The following LMBRD1 variants were observed in gnomAD, a reference collection of about 807,000 sequenced individuals.
LMBRD1 encodes the protein lysosomal cobalamin transport escort protein LMBD1.
In LMBRD1, 64 loss-of-function variants were observed where a neutral mutation model predicts 74.8. The ratio of observed to expected loss-of-function variants is 0.86; its 90% CI spans 0.70 to 1.05. The LOEUF (loss-of-function observed/expected upper bound fraction) is 1.05. LMBRD1 is among the 50% of genes least tolerant of loss of function. The pLI, the probability that LMBRD1 is intolerant of heterozygous loss-of-function variation, is 0.00. For synonymous variants in LMBRD1, 204 were observed against 216.3 expected (o/e 0.94, Z 0.50); for missense variants, 652 against 645.9 (o/e 1.01, Z -0.10).
chr6:69,787,128 A>C (rs1765968977), intron 2 of LMBRD1, among the ~76,000 whole-genome samples: 1 of 152,234 alleles, frequency 6.6e-6, no homozygotes, highest in African/African-American at 2.4e-5. Context: ...CGTGGCATGA[A>C]GTTTGAAGAA....
chr6:69,796,636 C>G (rs965250901), intron 1 of LMBRD1, among the ~76,000 whole-genome samples, 177 bp downstream of exon 1: 10 of 152,092 alleles, frequency 6.6e-5, no homozygotes, highest in African/African-American at 2.4e-4. Flanking sequence ...GAAATCGACA[C>G]CCCCCTGCCC....
At chr6:69,711,481 C>T (rs1337664712) in intron 9 of LMBRD1, among the ~76,000 whole-genome samples, 1 of 152,026 alleles carries the variant, frequency 6.6e-6, no homozygotes, top group African/African-American at 2.4e-5. Context: ...TAAAAGAAGG[C>T]AGCTGATGTT....
chr6:69,709,094 C>T (rs904120491), intron 9 of LMBRD1, among the ~76,000 whole-genome samples: 2 of 152,048 alleles, frequency 1.3e-5, no homozygotes, highest in Non-Finnish European at 2.9e-5. Context: ...ATTAGCCAGG[C>T]GTGGTGGCAC....
chr6:69,751,604 A>G (rs903225243), intron 4 of LMBRD1, among the ~76,000 whole-genome samples: 4 of 152,228 alleles, frequency 2.6e-5, no homozygotes, highest in African/African-American at 9.6e-5. Flanking sequence ...CTGGGATTAC[A>G]GGCGTGAGCC....
intron 14 of LMBRD1, among the ~76,000 whole-genome samples, chr6:69,689,240 T>TA (rs1765829250): frequency 6.6e-6 from 1 of 152,060 alleles, no homozygotes; most frequent in South Asian, 2.1e-4. Context: ...AGCAGACAGT[T>TA]AAAAAATAAG....
At chr6:69,679,754 A>G (rs1479202134) in intron 14 of LMBRD1, among the ~76,000 whole-genome samples, 17 of 152,136 alleles carry the variant, frequency 1.1e-4, no homozygotes, top group Admixed American at 1.1e-3. Flanking sequence ...CCATGTGTAC[A>G]GGCAAATCTG....
chr6:69,698,011 G>A (rs1766044185), intron 13 of LMBRD1, among the ~76,000 whole-genome samples: 1 of 152,020 alleles, frequency 6.6e-6, no homozygotes, highest in Non-Finnish European at 1.5e-5. Flanking sequence ...ACAGAAGGAT[G>A]TTTAATAAGC....
Position 69,793,198 on chromosome 6 carries a change from T to C in LMBRD1, c.70-2726A>G, listed in dbSNP as rs117732167. Among the ~76,000 whole-genome samples the C allele has an allele frequency of 7.1e-3, 1,075 of 152,112 alleles. 22 individuals carry two copies. In the East Asian group the frequency reaches 0.079, roughly 11 times the overall value. ...AATTATAAAGAAAAGTTTCAAATAG[T>C]CCCCCCAGCTTCTCCCAAAAGATTC... On this transcript the variant is annotated intron_variant, in intron 1 of 15. Coordinates refer to ENST00000649934, the MANE Select transcript of LMBRD1 (RefSeq NM_018368.4).
chr6:69,719,132 A>G lies in LMBRD1; in HGVS notation c.637-51T>C. On this transcript the variant is annotated intron_variant, in intron 7 of 15. Transcript: ENST00000649934. ...TTAGAAATAATGTTTCAAACATATT[A>G]TACACAATTTTAGGTTAAAAATGTC... 3 of 1,557,760 alleles carry G rather than the reference A, an allele frequency of 1.9e-6. No individual in the cohort carries two copies. In the South Asian group the frequency reaches 3.4e-5, roughly 18 times the overall value.
At chr6:69,790,564 T>C (rs569503455) in intron 1 of LMBRD1, 92 bp from the exon 2 acceptor site, 336 of 1,252,672 alleles carry the variant, frequency 2.7e-4, no homozygotes, top group Non-Finnish European at 3.4e-4. Context: ...GGAAACCTTA[T>C]GTGAAGTAAA....
At chr6:69,703,064 C>T (rs912456012) in intron 9 of LMBRD1, among the ~76,000 whole-genome samples, 1 of 151,960 alleles carries the variant, frequency 6.6e-6, no homozygotes, top group African/African-American at 2.4e-5. Flanking sequence ...TCCAAGAAGG[C>T]TATAGTCATC....
At chr6:69,729,507 C>T (rs1469869051) in intron 7 of LMBRD1, among the ~76,000 whole-genome samples, 3 of 151,806 alleles carry the variant, frequency 2.0e-5, no homozygotes, top group East Asian at 3.9e-4. Context: ...CAAGAACAAA[C>T]ATTTATTATT....
At position 69,738,599 on chromosome 6, in the gene LMBRD1, TAC is replaced by T. The variant is rs3217690; in HGVS notation, c.563-586_563-585del. On this transcript the variant is annotated intron_variant, in intron 6 of 15. Transcript: ENST00000649934. The stretch of plus-strand genomic sequence containing the variant: ...CACAACGAGAAAATAGGTTTAAAAA[TAC>T]ACACACACACACACACACACACACA... Among the ~76,000 whole-genome samples the T allele has an allele frequency of 6.9e-3, 1,003 of 144,942 alleles. 13 individuals are homozygous for T. Among genetic ancestry groups the T allele is most frequent in the Middle Eastern group, 0.021 (6 of 288 alleles).
intron 7 of LMBRD1, among the ~76,000 whole-genome samples, chr6:69,732,080 T>C (rs1766870953): frequency 6.6e-6 from 1 of 152,156 alleles, no homozygotes; most frequent in African/African-American, 2.4e-5. Flanking sequence ...CAGTGAAATA[T>C]GCTATCACAT....
At position 69,701,951 on chromosome 6, in the gene LMBRD1, G is replaced by A. The variant is rs766287809; in HGVS notation, c.918C>T (p.Ile306=). 2.5e-5 allele frequency: 39 copies of A among 1,581,062 alleles called. No individual in the cohort carries two copies. The highest frequency in any genetic ancestry group is 2.4e-4 in the South Asian group (22 of 90,192). Residue 306 remains isoleucine, a splice_region_variant and synonymous_variant, in exon 10 of 16, where the codon ATC becomes ATT. Coordinates refer to ENST00000649934, the MANE Select transcript of LMBRD1 (RefSeq NM_018368.4). The part of the protein sequence containing the change: ...KFCGALRPLK[I]VWGIFFILVA... The stretch of plus-strand genomic sequence containing the variant: ...CTAAGATGAAAAATATTCCCCAGAC[G>A]ATCTAAAAGCAAAAATATATTCATT...
At chr6:69,704,856 T>C (rs1766214419) in intron 9 of LMBRD1, among the ~76,000 whole-genome samples, 2 of 151,850 alleles carry the variant, frequency 1.3e-5, no homozygotes, top group African/African-American at 4.8e-5. Flanking sequence ...CTTATTTTCT[T>C]CTGTGTGATT....
At position 69,793,718 on chromosome 6, in the gene LMBRD1, CTT is replaced by C. The variant is rs34341228; in HGVS notation, c.69+3093_69+3094del. Among the ~76,000 whole-genome samples the C allele has an allele frequency of 5.3e-3, 510 of 96,036 alleles. 4 individuals carry two copies. Among genetic ancestry groups the C allele is most frequent in the Middle Eastern group, 0.02 (3 of 148 alleles). The allele number at this position is 96,036 out of a possible 152,430, so 63.0% of individuals were successfully genotyped here. On this transcript the variant is annotated intron_variant, in intron 1 of 15. Coordinates refer to ENST00000649934, the MANE Select transcript of LMBRD1 (RefSeq NM_018368.4). ...AGTAGGCAACATTCATGTCCTGAAT[CTT>C]TTTTTTTTTTTTTTTTTTTTTGAGA...
intron 8 of LMBRD1, among the ~76,000 whole-genome samples, chr6:69,715,758 ATCT>A (rs760781750): frequency 2.0e-5 from 3 of 151,996 alleles, no homozygotes; most frequent in African/African-American, 4.8e-5. Flanking sequence ...ATTTTTCCTG[ATCT>A]TCTCCCTCCT....
chr6:69,684,051 G>A (rs1368058400), intron 14 of LMBRD1, among the ~76,000 whole-genome samples: 1 of 151,444 alleles, frequency 6.6e-6, no homozygotes, highest in Non-Finnish European at 1.5e-5. Context: ...TCAACATGAG[G>A]GAAAAAGAAA....
Sources: gnomAD v4.1 joint callset for allele counts (sites outside exome capture counted in the v4.1 genomes callset) on GRCh38, gnomAD v4.1.1 for gene constraint, MANE v1.5 for transcripts, NCBI Gene and HGNC (gene_info 2026-07-23, HGNC 2026-07-21) for gene names.